Variants in STAG1 observed in about 807,000 individuals in gnomAD.
STAG1 encodes the protein cohesin subunit SA-1.
In STAG1, 26 loss-of-function variants were observed where a neutral mutation model predicts 170.9. The ratio of observed to expected loss-of-function variants is 0.15; its 90% CI spans 0.11 to 0.21. STAG1 has a LOEUF of 0.21. Among genes scored for constraint, STAG1 ranks in the 10% least tolerant of loss-of-function variants. The pLI, the probability that STAG1 is intolerant of heterozygous loss-of-function variation, is 1.00. For synonymous variants in STAG1, 514 were observed against 497.7 expected (o/e 1.03, Z -0.44); for missense variants, 964 against 1,509.5 (o/e 0.64, Z 5.99).
intron 9 of STAG1, among the ~76,000 whole-genome samples, chr3:136,489,407 A>G (rs1231612520): frequency 6.6e-6 from 1 of 152,218 alleles, no homozygotes; most frequent in Non-Finnish European, 1.5e-5. Context: ...ACCCTTATGG[A>G]TGCTTTTCCA....
intron 5 of STAG1, among the ~76,000 whole-genome samples, chr3:136,554,224 G>C (rs1936519691): frequency 6.6e-6 from 1 of 152,100 alleles, no homozygotes; most frequent in African/African-American, 2.4e-5. Flanking sequence ...AGTGGAGAGA[G>C]AGACAGACAC....
intron 7 of STAG1, chr3:136,518,082 A>G (rs919735102): frequency 2.1e-5 from 6 of 287,958 alleles, no homozygotes; most frequent in Non-Finnish European, 3.8e-5. Context: ...GTAAAAGTAT[A>G]CAATTAAATG....
chr3:136,389,836 T>C (rs1055701477), intron 22 of STAG1, among the ~76,000 whole-genome samples: 6 of 149,252 alleles, frequency 4.0e-5, no homozygotes, highest in Non-Finnish European at 7.4e-5. Context: ...TATTTTTTTT[T>C]CTTTTTTTTT....
chr3:136,425,350 T>C (rs774565615), intron 16 of STAG1, among the ~76,000 whole-genome samples: 4 of 151,992 alleles, frequency 2.6e-5, no homozygotes, highest in African/African-American at 4.8e-5. Flanking sequence ...TGGTAAAAGA[T>C]TGGGGGGTGA....
chr3:136,511,167 C>T (rs1045368849), intron 7 of STAG1, among the ~76,000 whole-genome samples: 1 of 152,210 alleles, frequency 6.6e-6, no homozygotes, highest in Non-Finnish European at 1.5e-5. Flanking sequence ...TTCTCCTTTG[C>T]ATTCTGCCAT....
chr3:136,657,195 T>TC (rs1941412359), intron 1 of STAG1, among the ~76,000 whole-genome samples: 8 of 128,326 alleles, frequency 6.2e-5, no homozygotes, highest in African/African-American at 2.1e-4. Flanking sequence ...CTTTCTTTTT[T>TC]TTTTTTTTTT....
chr3:136,452,005 T>C, intron 14 of STAG1, 28 bp downstream of exon 14: 1 of 1,383,274 alleles, frequency 7.2e-7, no homozygotes, highest in Non-Finnish European at 1.0e-6. Flanking sequence ...ATAAAAGAAA[T>C]AAGGAATTAT....
Position 136,474,926 on chromosome 3 carries a change from C to A in STAG1, c.1027-1289G>T, listed in dbSNP as rs558021316. On this transcript the variant is annotated intron_variant, in intron 10 of 33. Coordinates refer to ENST00000383202, the MANE Select transcript of STAG1 (RefSeq NM_005862.3). ...CTTTCCTCTCCCAACCACTTCCCTT[C>A]TCTCGCCCAGGTTGAGGCCCATAGC... is the stretch of plus-strand genomic sequence containing the variant. 2.6e-4 allele frequency among the ~76,000 whole-genome samples: 40 copies of A among 152,262 alleles called. No individual in the cohort carries two copies. In the East Asian group the frequency reaches 6.2e-3, roughly 24 times the overall value.
At chr3:136,550,445 T>A (rs1219706283) in intron 5 of STAG1, among the ~76,000 whole-genome samples, 1 of 151,844 alleles carries the variant, frequency 6.6e-6, no homozygotes. Flanking sequence ...GTAGCTGGGA[T>A]TACAGGCGCC....
At chr3:136,504,145 G>A (rs1012610175) in intron 7 of STAG1, among the ~76,000 whole-genome samples, 1 of 151,852 alleles carries the variant, frequency 6.6e-6, no homozygotes. Context: ...TTTGTTATTC[G>A]GAAACTCTAT....
intron 5 of STAG1, among the ~76,000 whole-genome samples, chr3:136,546,463 G>C (rs1576592343): frequency 6.6e-6 from 1 of 152,090 alleles, no homozygotes; most frequent in East Asian, 1.9e-4. Flanking sequence ...TTACACATTA[G>C]AGACAAAATG....
chr3:136,344,140 T>TA (rs1936118994), intron 29 of STAG1, 134 bp from the exon 30 acceptor site: 2 of 583,194 alleles, frequency 3.4e-6, no homozygotes, highest in African/African-American at 1.9e-5. Context: ...ACCACTTACT[T>TA]ACATGACTTT....
At chr3:136,577,746 T>C (rs1576626879) in intron 4 of STAG1, among the ~76,000 whole-genome samples, 2 of 152,336 alleles carry the variant, frequency 1.3e-5, no homozygotes, top group South Asian at 4.1e-4. Context: ...ATAGCTTATA[T>C]ACTCAACAGA....
At chr3:136,648,591 TTA>T (rs1941111122) in intron 1 of STAG1, among the ~76,000 whole-genome samples, 1 of 152,298 alleles carries the variant, frequency 6.6e-6, no homozygotes, top group East Asian at 1.9e-4. Context: ...AAATTTAAGA[TTA>T]TGTGTTTTAT....
Position 136,338,114 on chromosome 3 carries a change from A to G in STAG1, c.*140T>C. On this transcript the variant is annotated 3_prime_UTR_variant, in exon 34 of 34. Transcript: ENST00000383202. ...TACATGCTCCTCTTCTGTCACTGCA[A>G]AAAGGGATTGACCTTAATCATTTGA... 4.8e-6 allele frequency: 3 copies of G among 629,252 alleles called. No individual in the cohort carries two copies. The South Asian group carries it at 6.3e-5, about 13-fold the overall frequency. 39.0% of individuals were successfully genotyped at this position (629,252 alleles called of 1,614,324 possible).
chr3:136,588,840 T>C lies in STAG1; in HGVS notation c.297+15469A>G, dbSNP rs147495789. 5.9e-3 allele frequency among the ~76,000 whole-genome samples: 897 copies of C among 152,272 alleles called. 6 individuals carry two copies. Among genetic ancestry groups the C allele is most frequent in the Non-Finnish European group, 9.3e-3 (630 of 68,008 alleles). The stretch of plus-strand genomic sequence containing the variant: ...GTGCAATGGCACAATCTCAGCTCAC[T>C]GCAACCTCCGCTTCCAGCTTCAAGC... On this transcript the variant is annotated intron_variant, in intron 4 of 33. Coordinates refer to ENST00000383202, the MANE Select transcript of STAG1 (RefSeq NM_005862.3).
chr3:136,348,483 A>T (rs1936316567), intron 29 of STAG1, among the ~76,000 whole-genome samples: 1 of 152,140 alleles, frequency 6.6e-6, no homozygotes, highest in African/African-American at 2.4e-5. Context: ...ATCATAGCTC[A>T]CTGCAACCTC....
intron 1 of STAG1, among the ~76,000 whole-genome samples, chr3:136,692,115 G>C (rs891478317): frequency 2.0e-5 from 3 of 151,858 alleles, no homozygotes; most frequent in African/African-American, 7.3e-5. Flanking sequence ...AGGAGTTTGA[G>C]ACCAGCCTGG....
intron 1 of STAG1, among the ~76,000 whole-genome samples, chr3:136,716,990 C>T (rs112105446): frequency 6.6e-6 from 1 of 152,126 alleles, no homozygotes; most frequent in African/African-American, 2.4e-5. Flanking sequence ...CAACATATAC[C>T]ACCATCATTG....
Sources: allele counts gnomAD v4.1 joint callset (sites outside exome capture counted in the v4.1 genomes callset), GRCh38; gene constraint gnomAD v4.1.1; transcripts MANE v1.5; gene names NCBI Gene and HGNC (gene_info 2026-07-23, HGNC 2026-07-21).